FRMD6: variants seen among roughly 807,000 people sequenced by gnomAD.
The protein encoded by FRMD6 is FERM domain containing 6.
In FRMD6, 37 loss-of-function variants were observed where a neutral mutation model predicts 73.2. That is an observed-to-expected ratio of 0.51 (90% CI 0.39 to 0.66). FRMD6 has a LOEUF of 0.66. Among genes scored for constraint, FRMD6 ranks in the 30% least tolerant of loss-of-function variants. FRMD6 has a pLI of 0.00. For missense variants in FRMD6, 714 were observed against 780.5 expected (o/e 0.91, Z 1.02); for synonymous variants, 273 against 282.2 (o/e 0.97, Z 0.33).
rs1262597387 is a variant in FRMD6 at position 51,536,095 on chromosome 14, T to TAG, written c.-209-34252_-209-34251insGA. 6.3e-4 allele frequency among the ~76,000 whole-genome samples: 88 copies of TAG among 138,940 alleles called. No individual in the cohort carries two copies. The South Asian group carries it at 0.014, about 22-fold the overall frequency. 91.2% of individuals were successfully genotyped at this position (138,940 alleles called of 152,430 possible). ...TATATATTTTATATATATATATATATATAGAGAGAGAGAGAGAGAAACAGG... is the reference window on the plus strand; with the variant it reads ...TATATATTTTATATATATATATATATAGATAGAGAGAGAGAGAGAGAAACAGG... On this transcript the variant is annotated intron_variant, in intron 1 of 14. Transcript: ENST00000356218.
chr14:51,693,374 C>G (rs1009567368), intron 2 of FRMD6, among the ~76,000 whole-genome samples: 11 of 152,298 alleles, frequency 7.2e-5, no homozygotes, highest in Non-Finnish European at 1.2e-4. Flanking sequence ...GATAATCTCT[C>G]TAACATGGTT....
At chr14:51,510,413 C>G (rs1884231076) in intron 1 of FRMD6, among the ~76,000 whole-genome samples, 1 of 152,112 alleles carries the variant, frequency 6.6e-6, no homozygotes, top group African/African-American at 2.4e-5. Flanking sequence ...TTTTAACTTT[C>G]AATATTTCCG....
intron 1 of FRMD6, among the ~76,000 whole-genome samples, chr14:51,688,400 TAAG>T (rs1289715675): frequency 1.3e-5 from 2 of 152,320 alleles, no homozygotes; most frequent in South Asian, 2.1e-4. Flanking sequence ...ATTTATTCTT[TAAG>T]AAGAATACTA....
chr14:51,431,558 A>G, the FRMD6 span, among the ~76,000 whole-genome samples: 11 of 152,318 alleles, frequency 7.2e-5, no homozygotes, highest in East Asian at 1.5e-3. Context: ...TTCTTAACCA[A>G]TGTTGCAGTG....
At chr14:51,619,818 G>A (rs910050825) in intron 2 of FRMD6, among the ~76,000 whole-genome samples, 17 of 152,064 alleles carry the variant, frequency 1.1e-4, no homozygotes, top group African/African-American at 3.9e-4. Context: ...TTCTTTAGGG[G>A]TATAATATTA....
chr14:51,668,965 G>C (rs1397520950), intron 1 of FRMD6, among the ~76,000 whole-genome samples: 1 of 152,162 alleles, frequency 6.6e-6, no homozygotes, highest in Non-Finnish European at 1.5e-5. Flanking sequence ...CACCATGCCT[G>C]CCCAAAATCA....
At chr14:51,556,309 G>C (rs111330046) in intron 1 of FRMD6, among the ~76,000 whole-genome samples, 253 of 152,248 alleles carry the variant, frequency 1.7e-3, no homozygotes, top group African/African-American at 5.8e-3. Flanking sequence ...TTACATATTT[G>C]AATGCACTGT....
At chr14:51,525,144 A>G (rs1485758026) in intron 1 of FRMD6, among the ~76,000 whole-genome samples, 7 of 31,714 alleles carry the variant, frequency 2.2e-4, no homozygotes, top group South Asian at 2.0e-3. Context: ...AGGTGGGTGG[A>G]TGGATGGATG....
At chr14:51,563,080 T>C (rs760012683) in intron 1 of FRMD6, among the ~76,000 whole-genome samples, 4 of 152,204 alleles carry the variant, frequency 2.6e-5, no homozygotes, top group Non-Finnish European at 5.9e-5. Flanking sequence ...GACCGATGTG[T>C]AGCATCGCCA....
At chr14:51,587,842 G>C (rs1169562902) in intron 2 of FRMD6, among the ~76,000 whole-genome samples, 9 of 152,188 alleles carry the variant, frequency 5.9e-5, no homozygotes, top group East Asian at 1.9e-4. Flanking sequence ...AACCTTGAGG[G>C]TCCTTCCTAC....
At chr14:51,628,593 A>T (rs1891202893) in intron 2 of FRMD6, among the ~76,000 whole-genome samples, 1 of 151,926 alleles carries the variant, frequency 6.6e-6, no homozygotes, top group East Asian at 2.0e-4. Flanking sequence ...TGGACAGATC[A>T]CTTGAGGCCA....
the FRMD6 span, among the ~76,000 whole-genome samples, chr14:51,462,755 A>C: frequency 1.3e-5 from 2 of 151,988 alleles, no homozygotes; most frequent in Non-Finnish European, 2.9e-5. Context: ...AAATAAAATA[A>C]AGAGAAGGGA....
At chr14:51,465,679 A>G in the FRMD6 span, among the ~76,000 whole-genome samples, 36 of 152,222 alleles carry the variant, frequency 2.4e-4, no homozygotes, top group African/African-American at 8.7e-4. Flanking sequence ...GCATGGATAT[A>G]CCACTATTTG....
At chr14:51,602,193 T>A (rs947501238) in intron 2 of FRMD6, among the ~76,000 whole-genome samples, 18 of 152,150 alleles carry the variant, frequency 1.2e-4, no homozygotes, top group African/African-American at 4.3e-4. Flanking sequence ...TAGAAGTAAT[T>A]TTTGAACATA....
the FRMD6 span, among the ~76,000 whole-genome samples, chr14:51,460,550 C>T: frequency 6.6e-6 from 1 of 152,104 alleles, no homozygotes; most frequent in African/African-American, 2.4e-5. Context: ...AGGACGTGAA[C>T]ATTTTATGGC....
intron 11 of FRMD6, 21 bp from the exon 12 acceptor site, chr14:51,721,928 C>G: frequency 6.2e-7 from 1 of 1,613,332 alleles, no homozygotes. Flanking sequence ...CATTAACTAT[C>G]TTTTCCTTCT....
At chr14:51,558,338 C>T (rs139622555) in intron 1 of FRMD6, among the ~76,000 whole-genome samples, 1,645 of 151,916 alleles carry the variant, frequency 0.011, 15 homozygotes, top group South Asian at 0.029. Flanking sequence ...CATGGTGGTG[C>T]AAGCCTGTAA....
At chr14:51,528,209 G>T (rs1885371856) in intron 1 of FRMD6, among the ~76,000 whole-genome samples, 1 of 152,172 alleles carries the variant, frequency 6.6e-6, no homozygotes, top group African/African-American at 2.4e-5. Context: ...CCCACTGGTG[G>T]TTAGGAGTTG....
the FRMD6 span, among the ~76,000 whole-genome samples, chr14:51,418,662 A>T: frequency 6.6e-6 from 1 of 152,242 alleles, no homozygotes; most frequent in South Asian, 2.1e-4. Flanking sequence ...CAGTCTGTCC[A>T]TTCTCTGAGC....
Sources: allele counts gnomAD v4.1 joint callset (sites outside exome capture counted in the v4.1 genomes callset), GRCh38; gene constraint gnomAD v4.1.1; transcripts MANE v1.5; gene names NCBI Gene and HGNC (gene_info 2026-07-23, HGNC 2026-07-21).